The following FBXO17 variants were observed in gnomAD, a reference collection of about 807,000 sequenced individuals.
The protein encoded by FBXO17 is F-box protein 17.
In FBXO17, 43 loss-of-function variants were observed where a neutral mutation model predicts 34.1. The observed-to-expected ratio is 1.26, with a 90% confidence interval of 0.99 to 1.62. The LOEUF is 1.62. FBXO17 is among the 40% of genes most tolerant of loss of function. The pLI, the probability that FBXO17 is intolerant of heterozygous loss-of-function variation, is 0.00. For missense variants in FBXO17, 424 were observed against 386.7 expected (o/e 1.10, Z -0.81); for synonymous variants, 169 against 166.0 (o/e 1.02, Z -0.14).
intron 1 of FBXO17, among the ~76,000 whole-genome samples, chr19:38,974,654 A>C (rs953522990): frequency 1.3e-5 from 2 of 152,216 alleles, no homozygotes; most frequent in African/African-American, 4.8e-5. Context: ...TGAAATAAGA[A>C]ATAACAATCC....
At chr19:38,945,489 C>T (rs1474839683) in intron 4 of FBXO17, 1 of 107,864 alleles carries the variant, frequency 9.3e-6, no homozygotes, top group African/African-American at 6.2e-5. Context: ...GGGGAGGGGC[C>T]TGGGTGGTCC....
At chr19:38,958,827 C>A (rs1009423697) in intron 1 of FBXO17, among the ~76,000 whole-genome samples, 1 of 152,176 alleles carries the variant, frequency 6.6e-6, no homozygotes, top group East Asian at 1.9e-4. Context: ...CCCCTGGGCA[C>A]GTGCAGGCTT....
chr19:38,957,130 G>A (rs949474468), intron 1 of FBXO17, among the ~76,000 whole-genome samples: 4 of 150,568 alleles, frequency 2.7e-5, no homozygotes, highest in Middle Eastern at 3.7e-3. Context: ...ACTGAGGCCC[G>A]GCGCTTGAAC....
intron 1 of FBXO17, among the ~76,000 whole-genome samples, chr19:38,962,032 G>A (rs983826808): frequency 6.7e-6 from 1 of 150,056 alleles, no homozygotes; most frequent in Non-Finnish European, 1.5e-5. Flanking sequence ...ATAGAGTGTC[G>A]GCTATCAACC....
At chr19:38,964,061 AG>A (rs1401232728) in intron 1 of FBXO17, among the ~76,000 whole-genome samples, 2 of 152,092 alleles carry the variant, frequency 1.3e-5, no homozygotes, top group African/African-American at 4.8e-5. Flanking sequence ...TGGGATTGTA[AG>A]AGTGAGCCAT....
intron 5 of FBXO17, among the ~76,000 whole-genome samples, chr19:38,944,256 C>CACTATTATTATT (rs1974937553): frequency 6.8e-6 from 1 of 146,528 alleles, no homozygotes; most frequent in Non-Finnish European, 1.5e-5. Context: ...TGATCTGACT[C>CACTATTATTATT]ATTATTATTA....
At chr19:38,948,114 C>T (rs1393695299) in intron 3 of FBXO17, among the ~76,000 whole-genome samples, 2 of 151,298 alleles carry the variant, frequency 1.3e-5, no homozygotes, top group Non-Finnish European at 2.9e-5. Context: ...TCAAGCGATT[C>T]TCCTGCCTCA....
chr19:38,956,865 A>AAAATAAAT (rs934029794), intron 1 of FBXO17, among the ~76,000 whole-genome samples: 2 of 152,030 alleles, frequency 1.3e-5, no homozygotes, highest in Non-Finnish European at 2.9e-5. Flanking sequence ...ACTCTGCCTC[A>AAAATAAAT]AAATAAATAA....
At chr19:38,944,862 A>G in intron 5 of FBXO17, 107 bp downstream of exon 5, 1 of 1,479,002 alleles carries the variant, frequency 6.8e-7, no homozygotes, top group Non-Finnish European at 9.2e-7. Context: ...CTTAGCTGTT[A>G]TGATTATAGA....
At position 38,946,556 on chromosome 19, in the gene FBXO17, T is replaced by G. The variant is rs1974986722; in HGVS notation, c.473A>C (p.Lys158Thr). The change falls in exon 4 of 6, where the codon AAG becomes ACG. Residue 158 changes from lysine to threonine, a missense_variant. Lys to Thr is a moderately conservative substitution (Grantham distance 78). Transcript: ENST00000292852. Reference sequence around the variant, plus strand: ...CATCACCAGGTCCACAAGCTGCCTCTTGGAGCACCATCTGGGAAGGAGAGA... The same window carrying G: ...CATCACCAGGTCCACAAGCTGCCTCGTGGAGCACCATCTGGGAAGGAGAGA... ...CFVTSFEWCS[K>T]RQLVDLVMEG... The G allele has an allele frequency of 1.9e-6, 3 of 1,613,872 alleles. No homozygotes were observed. Among genetic ancestry groups the G allele is most frequent in the Admixed American group, 3.3e-5 (2 of 59,980 alleles).
In FBXO17 at chr19:38,944,919, G is replaced by A. The variant is rs772947623; in HGVS notation, c.693+50C>T. On this transcript the variant is annotated intron_variant, in intron 5 of 5. Transcript: ENST00000292852. ...AAACCGAGCAGACGAGAGGCTGGGC[G>A]TGTGTGCCTTTAGCGGGTCGGGGGG... The A allele has an allele frequency of 1.8e-5, 29 of 1,607,298 alleles. No individual in the cohort carries two copies. In the East Asian group the frequency reaches 6.0e-4, roughly 33 times the overall value.
intron 1 of FBXO17, among the ~76,000 whole-genome samples, chr19:38,954,870 T>A (rs1040778664): frequency 6.7e-6 from 1 of 149,710 alleles, no homozygotes; most frequent in African/African-American, 2.5e-5. Flanking sequence ...CGTGAGCCAC[T>A]GCGCCTGCCC....
chr19:38,962,614 G>A (rs1261240709), intron 1 of FBXO17, among the ~76,000 whole-genome samples: 1 of 152,164 alleles, frequency 6.6e-6, no homozygotes, highest in Non-Finnish European at 1.5e-5. Context: ...ACTCCAGCAA[G>A]GTCGGGGTCT....
chr19:38,950,095 G>A lies in FBXO17; in HGVS notation c.225C>T (p.Tyr75=), dbSNP rs770223404. Residue 75 remains tyrosine (Y), a synonymous_variant, in exon 2 of 6, where the codon TAC becomes TAT. Transcript: ENST00000292852. The part of the protein sequence containing the change: ...RDRSAEGRAL[Y]AVAQRCLPSN... ...TGGGCAGGCAGCGTTGAGCCACTGC[G>A]TAGAGTGCGCGGCCCTCGGCGCTGC... 2.6e-6 allele frequency: 4 copies of A among 1,565,518 alleles called. No individual in the cohort carries two copies. In the South Asian group the frequency reaches 3.5e-5, roughly 14 times the overall value.
intron 1 of FBXO17, among the ~76,000 whole-genome samples, chr19:38,957,464 G>A (rs1975182386): frequency 6.6e-6 from 1 of 152,104 alleles, no homozygotes; most frequent in African/African-American, 2.4e-5. Flanking sequence ...CTCTGCCTCA[G>A]CCTCCCGGGT....
intron 4 of FBXO17, chr19:38,946,227 T>C: frequency 1.7e-6 from 1 of 590,516 alleles, no homozygotes. Context: ...AGCCAGTCAG[T>C]GGCCCCCTGT....
chr19:38,966,783 T>C (rs948477557), intron 1 of FBXO17, among the ~76,000 whole-genome samples: 1 of 152,198 alleles, frequency 6.6e-6, no homozygotes, highest in Admixed American at 6.6e-5. Flanking sequence ...TCTCTTTACA[T>C]TGGCTTTACT....
chr19:38,944,953 G>A lies in FBXO17; in HGVS notation c.693+16C>T. 1 of 1,613,574 alleles carries A rather than the reference G, an allele frequency of 6.2e-7. No individual in the cohort carries two copies. Among genetic ancestry groups the A allele is most frequent in the Non-Finnish European group, 8.5e-7 (1 of 1,179,706 alleles). ...TTTAGCGGGTCGGGGGGAGCTGGAA[G>A]CTAGTCTGGACCCACCTGTCGGCAG... On this transcript the variant is annotated intron_variant, in intron 5 of 5. Transcript: ENST00000292852.
chr19:38,950,212 G>GCGTGGCGGCA lies in FBXO17; in HGVS notation c.98_107dup (p.Ser37AlafsTer147), dbSNP rs1568439898. 1 of 1,548,456 alleles carries GCGTGGCGGCA rather than the reference G, an allele frequency of 6.5e-7. No individual in the cohort carries two copies. The highest frequency in any genetic ancestry group is 1.4e-5 in the African/African-American group (1 of 72,582). Reference sequence around the variant, plus strand: ...CTGGGCGGCATCGCGTGACCAAGGAGCGTGGCGGCACGTGGCTCAGCACCT... The same window carrying GCGTGGCGGCA: ...CTGGGCGGCATCGCGTGACCAAGGAGCGTGGCGGCACGTGGCGGCACGTGGCTCAGCACCT... On this transcript the variant is annotated frameshift_variant, in exon 2 of 6. Coordinates refer to ENST00000292852, the MANE Select transcript of FBXO17 (RefSeq NM_024907.7). LOFTEE classifies it high-confidence loss of function.
Sources: allele counts gnomAD v4.1 joint callset (sites outside exome capture counted in the v4.1 genomes callset), GRCh38; gene constraint gnomAD v4.1.1; transcripts MANE v1.5; gene names NCBI Gene and HGNC (gene_info 2026-07-23, HGNC 2026-07-21).